Variants in FRMD5 observed in about 807,000 individuals in gnomAD.
FRMD5 encodes the protein FERM domain containing 5, also known as FERM domain-containing protein 5.
A neutral mutation model predicts 69.0 loss-of-function variants in FRMD5; 20 were observed. The observed-to-expected ratio is 0.29, with a 90% confidence interval of 0.20 to 0.42. The LOEUF (loss-of-function observed/expected upper bound fraction) is 0.42. FRMD5 is among the 10% of genes least tolerant of loss of function. The pLI is 1.00. For synonymous variants in FRMD5, 271 were observed against 260.1 expected (o/e 1.04, Z -0.40); for missense variants, 595 against 708.6 (o/e 0.84, Z 1.82).
At chr15:43,919,265 C>T (rs2089450259) in intron 4 of FRMD5, 194 bp downstream of exon 4, 1 of 735,174 alleles carries the variant, frequency 1.4e-6, no homozygotes, top group Non-Finnish European at 2.5e-6. Flanking sequence ...AAGAAGTCCA[C>T]TCTGTTGCGA....
intron 1 of FRMD5, among the ~76,000 whole-genome samples, chr15:44,106,829 G>T (rs2076726334): frequency 6.6e-6 from 1 of 152,200 alleles, no homozygotes; most frequent in Non-Finnish European, 1.5e-5. Flanking sequence ...TTTTTAGTTT[G>T]CTGATGAAAT....
At chr15:44,057,640 T>A (rs1401053689) in intron 1 of FRMD5, among the ~76,000 whole-genome samples, 1 of 152,204 alleles carries the variant, frequency 6.6e-6, no homozygotes, top group Non-Finnish European at 1.5e-5. Context: ...CAGGCTCTTG[T>A]TTCTAGAGAA....
chr15:44,114,704 G>T (rs1002938989), intron 1 of FRMD5, among the ~76,000 whole-genome samples: 12 of 152,080 alleles, frequency 7.9e-5, no homozygotes, highest in African/African-American at 2.7e-4. Flanking sequence ...CTTTTAAAAA[G>T]AAAGAAATCT....
At chr15:43,958,074 C>G (rs1479172627) in intron 1 of FRMD5, among the ~76,000 whole-genome samples, 2 of 152,144 alleles carry the variant, frequency 1.3e-5, no homozygotes, top group Non-Finnish European at 2.9e-5. Flanking sequence ...TGAATTTTGT[C>G]TTTCAGGTTT....
At chr15:44,014,867 G>C (rs1347868373) in intron 1 of FRMD5, among the ~76,000 whole-genome samples, 1 of 152,238 alleles carries the variant, frequency 6.6e-6, no homozygotes, top group Admixed American at 6.5e-5. Context: ...TCAGGCATGT[G>C]TAAGTTGCTG....
intron 8 of FRMD5, among the ~76,000 whole-genome samples, chr15:43,891,660 C>A (rs939671320): frequency 1.3e-5 from 2 of 152,168 alleles, no homozygotes; most frequent in Non-Finnish European, 2.9e-5. Flanking sequence ...CAGTGGGTGA[C>A]GGCCCCAAGG....
intron 1 of FRMD5, among the ~76,000 whole-genome samples, chr15:44,147,393 C>G (rs2114416): frequency 0.9 from 136,305 of 152,190 alleles, 61,486 homozygotes; most frequent in East Asian, 1. Flanking sequence ...AGTATAGTTT[C>G]AAGTCGGGTA....
chr15:44,181,909 A>G (rs1300222234), intron 1 of FRMD5, among the ~76,000 whole-genome samples: 1 of 152,174 alleles, frequency 6.6e-6, no homozygotes, highest in Non-Finnish European at 1.5e-5. Flanking sequence ...TCTCAAAACA[A>G]AACAAAACAA....
At chr15:44,175,747 G>A (rs1415537336) in intron 1 of FRMD5, among the ~76,000 whole-genome samples, 1 of 151,898 alleles carries the variant, frequency 6.6e-6, no homozygotes, top group African/African-American at 2.4e-5. Context: ...AACAAATTGT[G>A]ATACATCCAT....
intron 7 of FRMD5, 33 bp from the exon 8 acceptor site, chr15:43,892,102 G>A (rs756993412): frequency 2.5e-6 from 4 of 1,590,766 alleles, no homozygotes; most frequent in Non-Finnish European, 3.5e-6. Flanking sequence ...ATCGGGTGAT[G>A]CAGGCACAGA....
chr15:44,010,472 A>G (rs1466852438), intron 1 of FRMD5, among the ~76,000 whole-genome samples: 1 of 147,774 alleles, frequency 6.8e-6, no homozygotes, highest in Non-Finnish European at 1.5e-5. Context: ...ATCTCAGCTC[A>G]CTGCAACCTC....
rs2089160909 is a variant in FRMD5, at chr15:43,905,919, G to C, written c.460C>G (p.Pro154Ala). ...EIGDYDSGKH[P>A]EGYSSKFQFF... ...TGGAACTTGGAGCTGTAGCCTTCAGGGTGTTTCCCTGAGTCATAATCCCCA... is the reference window on the plus strand; with the variant it reads ...TGGAACTTGGAGCTGTAGCCTTCAGCGTGTTTCCCTGAGTCATAATCCCCA... Residue 154 changes from proline (P) to alanine (A), a missense_variant, in exon 6 of 14, where the codon CCT (proline) becomes GCT (alanine). This residue lies in a region of FRMD5 where 51 missense variants were observed against 41.7 expected (regional missense o/e 1.22). Transcript: ENST00000417257. 1.2e-6 allele frequency: 2 copies of C among 1,614,146 alleles called. No individual in the cohort carries two copies. The highest frequency in any genetic ancestry group is 1.7e-6 in the Non-Finnish European group (2 of 1,179,996).
chr15:44,020,051 C>T (rs956761749), intron 1 of FRMD5, among the ~76,000 whole-genome samples: 6 of 151,780 alleles, frequency 4.0e-5, no homozygotes, highest in African/African-American at 1.2e-4. Flanking sequence ...TATCTATATA[C>T]GAATCCTTAT....
chr15:44,163,009 C>T (rs1023994555), intron 1 of FRMD5, among the ~76,000 whole-genome samples: 9 of 151,594 alleles, frequency 5.9e-5, no homozygotes, highest in South Asian at 4.2e-4. Flanking sequence ...CCCGTCTCTA[C>T]TAAAAATACA....
intron 1 of FRMD5, among the ~76,000 whole-genome samples, chr15:44,172,438 T>A (rs1043907482): frequency 2.0e-5 from 3 of 152,092 alleles, no homozygotes; most frequent in Non-Finnish European, 2.9e-5. Flanking sequence ...TCAGAAAACA[T>A]ACATTAAGAG....
chr15:44,043,580 T>C (rs1468834506), intron 1 of FRMD5, among the ~76,000 whole-genome samples: 4 of 152,236 alleles, frequency 2.6e-5, no homozygotes, highest in African/African-American at 4.8e-5. Context: ...AACAGATATA[T>C]AGACCAATGG....
chr15:44,114,571 T>A (rs1217240999), intron 1 of FRMD5, among the ~76,000 whole-genome samples: 1 of 152,238 alleles, frequency 6.6e-6, no homozygotes, highest in Non-Finnish European at 1.5e-5. Flanking sequence ...GAAGGCACTT[T>A]GCATATTTAT....
At chr15:44,069,638 G>A (rs1173117237) in intron 1 of FRMD5, among the ~76,000 whole-genome samples, 1 of 152,158 alleles carries the variant, frequency 6.6e-6, no homozygotes, top group East Asian at 1.9e-4. Context: ...GAAAGGATTA[G>A]TAGTTGCCAA....
chr15:44,006,430 T>C (rs1393819206), intron 1 of FRMD5, among the ~76,000 whole-genome samples: 3 of 152,234 alleles, frequency 2.0e-5, no homozygotes, highest in African/African-American at 7.2e-5. Flanking sequence ...TAACATCCAG[T>C]TGGTAGCCCA....
Sources: allele counts gnomAD v4.1 joint callset (sites outside exome capture counted in the v4.1 genomes callset), GRCh38; gene constraint gnomAD v4.1.1; regional missense constraint gnomAD v4.1.1; transcripts MANE v1.5; gene names NCBI Gene and HGNC (gene_info 2026-07-23, HGNC 2026-07-21).